Variants in CASK observed in about 807,000 individuals in gnomAD.
The protein encoded by CASK is calcium/calmodulin dependent serine protein kinase.
CASK carries 4 observed loss-of-function variants against 82.9 expected under a neutral mutation model. The observed-to-expected ratio is 0.05, with a 90% CI of 0.02 to 0.11. CASK has a LOEUF of 0.11. Ranked by LOEUF, CASK falls within the 10% of genes least tolerant of loss-of-function variation. The pLI is 1.00. For missense variants in CASK, 358 were observed against 720.9 expected, an observed-to-expected ratio of 0.50 and a Z score of 5.76; for synonymous variants, 259 against 253.5, an observed-to-expected ratio of 1.02 and a Z score of -0.20.
chrX:41,741,031 C>T lies in CASK; in HGVS notation c.357-1575G>A, dbSNP rs777620184. Among the ~76,000 whole-genome samples, 17 of 110,859 alleles carry T rather than the reference C, an allele frequency of 1.5e-4. No homozygotes were observed. The East Asian group carries it at 4.8e-3, about 31-fold the overall frequency. ...CCAAGTAGCTGGGATTACAGATATGCGCCACCACGCCTGGCTAGTTTTTGT... is the reference window on the plus strand; with the variant it reads ...CCAAGTAGCTGGGATTACAGATATGTGCCACCACGCCTGGCTAGTTTTTGT... On this transcript the variant is annotated intron_variant, in intron 4 of 26. Coordinates refer to ENST00000378163, the MANE Select transcript of CASK (RefSeq NM_001367721.1).
chrX:41,534,121 G>A (rs2064842893), intron 24 of CASK, among the ~76,000 whole-genome samples: 1 of 110,958 alleles, frequency 9.0e-6, no homozygotes, highest in Non-Finnish European at 1.9e-5. Flanking sequence ...GAGGGCAAGA[G>A]GTTAAGAATA....
At chrX:41,743,641 T>C (rs1327382839) in intron 4 of CASK, 1 of 294,773 alleles carries the variant, frequency 3.4e-6, no homozygotes, top group Non-Finnish European at 5.9e-6. Context: ...CCAGAAGGAG[T>C]CAGGGCAATG....
chrX:41,713,123 G>A (rs986550081), intron 5 of CASK, among the ~76,000 whole-genome samples: 1 of 111,978 alleles, frequency 8.9e-6, no homozygotes, highest in African/African-American at 3.3e-5. Flanking sequence ...TCTAGACAGC[G>A]GGCAAGATGA....
chrX:41,872,160 C>T (rs929654438), intron 1 of CASK, among the ~76,000 whole-genome samples: 14 of 112,739 alleles, frequency 1.2e-4, no homozygotes, highest in African/African-American at 3.9e-4. Context: ...GTGACAAAAA[C>T]GGTATGGCCT....
chrX:41,699,055 T>A (rs1334310245), intron 5 of CASK, among the ~76,000 whole-genome samples: 3 of 109,829 alleles, frequency 2.7e-5, no homozygotes, highest in Non-Finnish European at 5.7e-5. Context: ...GCCTCCCGGG[T>A]AGCTAGGATT....
At position 41,829,606 on chromosome X, in the gene CASK, G is replaced by T. The variant is rs796714075; in HGVS notation, c.172+23509C>A. On this transcript the variant is annotated intron_variant, in intron 2 of 26. Coordinates refer to ENST00000378163, the MANE Select transcript of CASK (RefSeq NM_001367721.1). ...TAAAAGAATTCTTGTACATGTTTTT[G>T]TTTTTTTTTTTTTTGGGGGGGTGGG... Among the ~76,000 whole-genome samples, 79 of 15,113 alleles carry T rather than the reference G, an allele frequency of 5.2e-3. 2 individuals are homozygous for T. The highest frequency in any genetic ancestry group is 0.035 in the Admixed American group (34 of 978). 13.1% of individuals were successfully genotyped at this position (15,113 alleles called of 115,157 possible).
intron 4 of CASK, among the ~76,000 whole-genome samples, chrX:41,742,757 C>T (rs188826846): frequency 4.5e-5 from 5 of 111,898 alleles, no homozygotes; most frequent in South Asian, 3.7e-4. Context: ...GAAGAATCTA[C>T]GCGCCCTTGT....
intron 22 of CASK, among the ~76,000 whole-genome samples, chrX:41,541,485 T>C (rs781508267): frequency 8.9e-6 from 1 of 112,721 alleles, no homozygotes; most frequent in African/African-American, 3.2e-5. Flanking sequence ...ACTACTGCTC[T>C]GTAGTAGTAC....
intron 3 of CASK, among the ~76,000 whole-genome samples, chrX:41,759,889 AT>A (rs2068968656): frequency 9.0e-6 from 1 of 111,530 alleles, no homozygotes; most frequent in South Asian, 3.8e-4. Flanking sequence ...ACAAAGATTG[AT>A]TTTTCACAAT....
chrX:41,850,625 C>T (rs866198179), intron 2 of CASK, among the ~76,000 whole-genome samples: 2 of 111,402 alleles, frequency 1.8e-5, no homozygotes, highest in Middle Eastern at 4.2e-3. Flanking sequence ...TTATGGATTC[C>T]TTTTTACTGT....
chrX:41,800,969 G>A (rs1004258548), intron 2 of CASK, among the ~76,000 whole-genome samples: 5 of 111,629 alleles, frequency 4.5e-5, no homozygotes, highest in African/African-American at 1.6e-4. Flanking sequence ...CCTGAAGAGG[G>A]ACATCAGAGG....
At chrX:41,913,012 C>T (rs1344848337) in intron 1 of CASK, among the ~76,000 whole-genome samples, 1 of 109,464 alleles carries the variant, frequency 9.1e-6, no homozygotes, top group African/African-American at 3.3e-5. Context: ...ATTCAAGCCT[C>T]ACCTCCTCTG....
chrX:41,742,213 G>C (rs1373636223), intron 4 of CASK, among the ~76,000 whole-genome samples: 1 of 111,385 alleles, frequency 9.0e-6, no homozygotes, highest in Non-Finnish European at 1.9e-5. Context: ...CAAATCTCTG[G>C]GGTGTAAAAT....
intron 12 of CASK, among the ~76,000 whole-genome samples, chrX:41,596,088 A>C (rs2065816002): frequency 9.2e-6 from 1 of 108,586 alleles, no homozygotes; most frequent in Non-Finnish European, 1.9e-5. Flanking sequence ...CCAGCTACTA[A>C]GGTAGCTGAG....
chrX:41,708,354 A>T, intron 5 of CASK, among the ~76,000 whole-genome samples: 1 of 112,069 alleles, frequency 8.9e-6, no homozygotes, highest in Non-Finnish European at 1.9e-5. Context: ...ATGATTAAAA[A>T]AAGTTAAAGA....
At chrX:41,600,025 C>G (rs1277849798) in intron 12 of CASK, among the ~76,000 whole-genome samples, 1 of 111,356 alleles carries the variant, frequency 9.0e-6, no homozygotes, top group Non-Finnish European at 1.9e-5. Flanking sequence ...ATCACATTTC[C>G]TAGCTTGGCT....
At chrX:41,602,719 CTTT>C (rs34064822) in intron 12 of CASK, among the ~76,000 whole-genome samples, 1,948 of 75,141 alleles carry the variant, frequency 0.026, 40 homozygotes, top group African/African-American at 0.086. Context: ...TGCTTAGCGG[CTTT>C]TTTTTTTTTT....
intron 3 of CASK, among the ~76,000 whole-genome samples, chrX:41,753,484 A>G (rs952486766): frequency 8.9e-6 from 1 of 112,519 alleles, no homozygotes; most frequent in Admixed American, 9.5e-5. Flanking sequence ...CATGTTTTAA[A>G]AAACAGCAAA....
chrX:41,652,326 C>T (rs1231691752), intron 8 of CASK, among the ~76,000 whole-genome samples: 2 of 111,557 alleles, frequency 1.8e-5, no homozygotes, highest in Non-Finnish European at 3.8e-5. Context: ...CATTGTTGTA[C>T]AGATAGCATT....
Sources: gnomAD v4.1 joint callset for allele counts (sites outside exome capture counted in the v4.1 genomes callset) on GRCh38, gnomAD v4.1.1 for gene constraint, MANE v1.5 for transcripts, NCBI Gene and HGNC (gene_info 2026-07-23, HGNC 2026-07-21) for gene names.